NUTF2: variants seen among roughly 807,000 people sequenced by gnomAD.
NUTF2 encodes placental protein 15.
Under a neutral mutation model 18.5 loss-of-function variants are expected in NUTF2, and 3 were observed. That is an observed-to-expected ratio of 0.16 (90% CI 0.07 to 0.42). The LOEUF (loss-of-function observed/expected upper bound fraction) is 0.42. NUTF2 is among the 10% of genes least tolerant of loss of function. The pLI, the probability that NUTF2 is intolerant of heterozygous loss-of-function variation, is 0.99. For synonymous variants in NUTF2, 51 were observed against 57.9 expected, an observed-to-expected ratio of 0.88 and a Z score of 0.54; for missense variants, 44 against 160.7, an observed-to-expected ratio of 0.27 and a Z score of 3.93.
intron 1 of NUTF2, among the ~76,000 whole-genome samples, chr16:67,853,049 T>TATTTC (rs1466419684): frequency 1.3e-5 from 2 of 152,182 alleles, no homozygotes; most frequent in Non-Finnish European, 2.9e-5. Context: ...TATTTTATTT[T>TATTTC]ATTTTAATGA....
At chr16:67,860,435 C>T (rs759692340) in intron 1 of NUTF2, among the ~76,000 whole-genome samples, 35 of 152,218 alleles carry the variant, frequency 2.3e-4, no homozygotes, top group Middle Eastern at 6.8e-3. Context: ...CCACCATGCC[C>T]GGCTAATTTT....
At chr16:67,847,720 G>C (rs1031341609) in intron 1 of NUTF2, 1 of 152,500 alleles carries the variant, frequency 6.6e-6, no homozygotes, top group African/African-American at 2.4e-5. Context: ...GGCGGCTCCT[G>C]CCGGGTAGGC....
chr16:67,856,972 A>G (rs927737221), intron 1 of NUTF2, among the ~76,000 whole-genome samples: 10 of 152,240 alleles, frequency 6.6e-5, no homozygotes, highest in Non-Finnish European at 1.3e-4. Context: ...AAGTGAGAGA[A>G]TACAGAAGTG....
intron 1 of NUTF2, 76 bp from the exon 2 acceptor site, chr16:67,865,026 G>T: frequency 2.8e-6 from 2 of 703,490 alleles, no homozygotes; most frequent in Admixed American, 4.5e-5. Flanking sequence ...GAAGGCCAGT[G>T]AGGGGTGGGG....
At chr16:67,859,327 A>T (rs1302591934) in intron 1 of NUTF2, among the ~76,000 whole-genome samples, 1 of 145,464 alleles carries the variant, frequency 6.9e-6, no homozygotes, top group African/African-American at 2.5e-5. Flanking sequence ...TTACAGGTGC[A>T]TGCCACCACA....
chr16:67,852,969 C>T (rs978666550), intron 1 of NUTF2, among the ~76,000 whole-genome samples: 2 of 152,218 alleles, frequency 1.3e-5, no homozygotes, highest in Middle Eastern at 3.2e-3. Flanking sequence ...AGGCATGAGC[C>T]ACCGCTCCCG....
chr16:67,860,288 G>C (rs2057926862), intron 1 of NUTF2, among the ~76,000 whole-genome samples: 1 of 151,734 alleles, frequency 6.6e-6, no homozygotes, highest in Non-Finnish European at 1.5e-5. Context: ...CTTTTTGTTT[G>C]TTCTGAGGCA....
At chr16:67,863,269 G>A (rs993343923) in intron 1 of NUTF2, among the ~76,000 whole-genome samples, 1 of 152,206 alleles carries the variant, frequency 6.6e-6, no homozygotes, top group Non-Finnish European at 1.5e-5. Context: ...GGCGTGACTG[G>A]ATCCAAGCTT....
chr16:67,863,106 A>G (rs1598166289), intron 1 of NUTF2, among the ~76,000 whole-genome samples: 1 of 152,132 alleles, frequency 6.6e-6, no homozygotes, highest in South Asian at 2.1e-4. Context: ...TAGGTCCTCT[A>G]AGTTTGTGTG....
At chr16:67,861,912 C>CT (rs2057937593) in intron 1 of NUTF2, among the ~76,000 whole-genome samples, 1 of 152,074 alleles carries the variant, frequency 6.6e-6, no homozygotes, top group African/African-American at 2.4e-5. Flanking sequence ...ACTCTTGCTT[C>CT]TTTTTTTGGA....
intron 1 of NUTF2, among the ~76,000 whole-genome samples, chr16:67,849,171 G>A (rs2151292975): frequency 6.6e-6 from 1 of 152,336 alleles, no homozygotes; most frequent in East Asian, 1.9e-4. Context: ...TGGGCAATAA[G>A]GAGGGACTAC....
At position 67,849,251 on chromosome 16, in the gene NUTF2, G is replaced by A. The variant is rs2057833342; in HGVS notation, c.-30+2266G>A. 2.0e-5 allele frequency among the ~76,000 whole-genome samples: 3 copies of A among 152,228 alleles called. No homozygotes were observed. The South Asian group carries it at 6.2e-4, about 32-fold the overall frequency. ...CAAGACCCTGTAGATTGTCTGCGTG[G>A]GTACTTTCTAGGACACAGATTTCAG... is the stretch of plus-strand genomic sequence containing the variant. On this transcript the variant is annotated intron_variant, in intron 1 of 4. Transcript: ENST00000219169.
intron 1 of NUTF2, among the ~76,000 whole-genome samples, chr16:67,849,595 C>T (rs2057837584): frequency 6.6e-6 from 1 of 152,030 alleles, no homozygotes; most frequent in East Asian, 1.9e-4. Flanking sequence ...CTGCCTTGGC[C>T]TCCCCAAAGT....
intron 1 of NUTF2, among the ~76,000 whole-genome samples, chr16:67,859,681 A>T (rs906309117): frequency 2.0e-5 from 3 of 149,376 alleles, no homozygotes; most frequent in Non-Finnish European, 3.0e-5. Flanking sequence ...TTTAGTAGAG[A>T]TGGGGTTTCA....
At chr16:67,851,936 A>T (rs1483774693) in intron 1 of NUTF2, among the ~76,000 whole-genome samples, 50 of 152,078 alleles carry the variant, frequency 3.3e-4, no homozygotes, top group Admixed American at 3.3e-3. Context: ...GACTCGCTTG[A>T]ACCTGGGAGG....
At chr16:67,850,214 T>G (rs2057842854) in intron 1 of NUTF2, among the ~76,000 whole-genome samples, 1 of 151,722 alleles carries the variant, frequency 6.6e-6, no homozygotes, top group Admixed American at 6.6e-5. Flanking sequence ...ACTTCTTTTT[T>G]TTTTTTTTGA....
chr16:67,871,062 T>C lies in NUTF2; in HGVS notation c.*149T>C. 1.6e-6 allele frequency: 1 copy of C among 607,230 alleles called. No individual in the cohort carries two copies. The highest frequency in any genetic ancestry group is 3.0e-6 in the Non-Finnish European group (1 of 337,752). The allele number at this position is 607,230 out of a possible 1,614,324, so 37.6% of individuals were successfully genotyped here. ...GTGCGCTGCTGCCACTGAGGTGTTG[T>C]GCATGATGTTTGGATGCTAGACTAG... On this transcript the variant is annotated 3_prime_UTR_variant, in exon 5 of 5. Transcript: ENST00000219169.
At chr16:67,866,228 T>C (rs2151300216) in intron 2 of NUTF2, among the ~76,000 whole-genome samples, 1 of 152,196 alleles carries the variant, frequency 6.6e-6, no homozygotes, top group South Asian at 2.1e-4. Context: ...CATTCAGAAA[T>C]TTTGGAAAAA....
At chr16:67,858,282 C>T (rs34453820) in intron 1 of NUTF2, among the ~76,000 whole-genome samples, 7 of 152,230 alleles carry the variant, frequency 4.6e-5, no homozygotes, top group Non-Finnish European at 7.3e-5. Flanking sequence ...ATTCTACCAC[C>T]TCAGCCTCCC....
Sources: gnomAD v4.1 joint callset for allele counts (sites outside exome capture counted in the v4.1 genomes callset) on GRCh38, gnomAD v4.1.1 for gene constraint, MANE v1.5 for transcripts, NCBI Gene and HGNC (gene_info 2026-07-23, HGNC 2026-07-21) for gene names.